The following ABCB5 variants were observed in gnomAD, a reference collection of about 807,000 sequenced individuals.
The protein encoded by ABCB5 is ATP binding cassette subfamily B member 5.
In ABCB5, 155 loss-of-function variants were observed where a neutral mutation model predicts 144.2. The ratio of observed to expected loss-of-function variants is 1.08; its 90% CI spans 0.94 to 1.23. The LOEUF is 1.23. Ranked by LOEUF, ABCB5 falls within the 50% of genes most tolerant of loss-of-function variation. The pLI is 0.00. For synonymous variants in ABCB5, 610 were observed against 528.6 expected, an observed-to-expected ratio of 1.15 and a Z score of -2.11; for missense variants, 1,830 against 1,520.8, an observed-to-expected ratio of 1.20 and a Z score of -3.38.
intron 20 of ABCB5, among the ~76,000 whole-genome samples, chr7:20,720,642 A>G (rs1313822053): frequency 6.6e-6 from 1 of 152,156 alleles, no homozygotes; most frequent in Non-Finnish European, 1.5e-5. Flanking sequence ...CAAGGTCATG[A>G]ACATCAAGTT....
intron 9 of ABCB5, among the ~76,000 whole-genome samples, chr7:20,646,797 T>C (rs1784422500): frequency 6.6e-6 from 1 of 152,222 alleles, no homozygotes; most frequent in Non-Finnish European, 1.5e-5. Context: ...TTCTTACAGA[T>C]TTCTCTTCTT....
intron 5 of ABCB5, among the ~76,000 whole-genome samples, chr7:20,640,362 T>A (rs1033281028): frequency 2.0e-5 from 3 of 152,190 alleles, no homozygotes; most frequent in Non-Finnish European, 2.9e-5. Context: ...TGCTTTTTTT[T>A]AAAGACACCT....
intron 24 of ABCB5, among the ~76,000 whole-genome samples, chr7:20,742,275 G>A (rs1782585624): frequency 6.6e-6 from 1 of 152,174 alleles, no homozygotes; most frequent in Admixed American, 6.5e-5. Flanking sequence ...TCAGGAGGCT[G>A]AGGTGGGAGG....
At chr7:20,718,613 G>C (rs547002476) in intron 20 of ABCB5, among the ~76,000 whole-genome samples, 11 of 152,272 alleles carry the variant, frequency 7.2e-5, no homozygotes, top group African/African-American at 2.4e-4. Flanking sequence ...CAGAGCCCTG[G>C]GGGGGAGGGA....
intron 9 of ABCB5, among the ~76,000 whole-genome samples, chr7:20,646,687 T>G (rs1170786132): frequency 2.0e-5 from 3 of 152,238 alleles, no homozygotes; most frequent in African/African-American, 7.2e-5. Context: ...GTTATCCTCT[T>G]AAGTTACAAT....
At chr7:20,740,205 A>T (rs1782519639) in intron 24 of ABCB5, among the ~76,000 whole-genome samples, 1 of 152,230 alleles carries the variant, frequency 6.6e-6, no homozygotes, top group African/African-American at 2.4e-5. Flanking sequence ...ACGCCACTGC[A>T]CCCCAGCTTG....
intron 23 of ABCB5, among the ~76,000 whole-genome samples, chr7:20,729,886 G>A (rs907787126): frequency 2.6e-5 from 4 of 152,134 alleles, no homozygotes; most frequent in Non-Finnish European, 4.4e-5. Context: ...CAAGTCTCAG[G>A]ACATTACTTT....
intron 24 of ABCB5, among the ~76,000 whole-genome samples, chr7:20,741,301 C>T (rs1782553936): frequency 1.3e-5 from 2 of 151,442 alleles, no homozygotes; most frequent in South Asian, 4.2e-4. Flanking sequence ...TCTAGAATAC[C>T]TCTGTGAGCT....
intron 14 of ABCB5, chr7:20,659,430 T>C (rs73684671): frequency 0.081 from 92,022 of 1,136,932 alleles, 4,505 homozygotes; most frequent in South Asian, 0.19. Flanking sequence ...GGCTTCTTTT[T>C]TTAAAATGCT....
intron 14 of ABCB5, among the ~76,000 whole-genome samples, chr7:20,677,895 T>C (rs1785667369): frequency 6.6e-6 from 1 of 152,172 alleles, no homozygotes; most frequent in African/African-American, 2.4e-5. Flanking sequence ...ACCAGCTACA[T>C]AGTTTGTGGG....
intron 16 of ABCB5, 83 bp from the exon 17 acceptor site, chr7:20,698,324 A>C (rs1012727518): frequency 8.0e-7 from 1 of 1,247,382 alleles, no homozygotes; most frequent in Non-Finnish European, 1.1e-6. Context: ...TATACATTAT[A>C]ATTCTGTTTA....
intron 24 of ABCB5, among the ~76,000 whole-genome samples, chr7:20,742,109 C>T (rs868425755): frequency 1.3e-5 from 2 of 152,314 alleles, no homozygotes; most frequent in African/African-American, 4.8e-5. Flanking sequence ...TGTGGTGGCT[C>T]ACGCCTGTAA....
intron 20 of ABCB5, among the ~76,000 whole-genome samples, chr7:20,717,880 A>ATT (rs1781730711): frequency 1.4e-5 from 1 of 73,522 alleles, no homozygotes; most frequent in African/African-American, 5.6e-5. Context: ...TTCTTGTAAC[A>ATT]TTCTTTTTTT....
At chr7:20,742,831 A>G in intron 24 of ABCB5, 46 bp from the exon 25 acceptor site, 1 of 1,593,086 alleles carries the variant, frequency 6.3e-7, no homozygotes, top group South Asian at 1.1e-5. Context: ...GTGTGTTACA[A>G]CCTTCCCAAG....
chr7:20,659,160 C>G, intron 14 of ABCB5: 1 of 1,613,552 alleles, frequency 6.2e-7, no homozygotes, highest in South Asian at 1.1e-5. Context: ...GCCCCTCAAA[C>G]CTCACCCTGA....
rs1210368010 is a variant in ABCB5 at position 20,745,520 on chromosome 7, G to A, written c.3429+82G>A. On this transcript the variant is annotated intron_variant, in intron 26 of 27. Transcript: ENST00000404938. ...ACTGGGCCTATGCAGTTGTTTTTAT[G>A]TATTCCTTGGATTATACAATGTATT... 6 of 1,197,760 alleles carry A rather than the reference G, an allele frequency of 5.0e-6. No individual in the cohort carries two copies. In the Admixed American group the frequency reaches 6.1e-5, roughly 12 times the overall value. 74.2% of individuals were successfully genotyped at this position (1,197,760 alleles called of 1,614,324 possible).
At position 20,755,430 on chromosome 7, in the gene ABCB5, G is replaced by C; in HGVS notation, c.3580G>C (p.Val1194Leu). The change falls in exon 28 of 28, where the codon GTT becomes CTT. Residue 1194 changes from valine (V) to leucine (L), a missense_variant. Physicochemically the swap from Val to Leu is conservative, Grantham distance 32. Transcript: ENST00000404938. ...SALDNDSEKVVQHALDKARTG... is the reference protein window; with the variant it reads ...SALDNDSEKVLQHALDKARTG... ...CACAGGTCTTTCTCTCTTCCAGGTG[G>C]TTCAGCATGCCCTTGATAAAGCCAG... 6.2e-7 allele frequency: 1 copy of C among 1,614,036 alleles called. No homozygotes were observed. Among genetic ancestry groups the C allele is most frequent in the Non-Finnish European group, 8.5e-7 (1 of 1,179,922 alleles).
At chr7:20,661,898 A>G (rs1052514455) in intron 14 of ABCB5, among the ~76,000 whole-genome samples, 8 of 152,068 alleles carry the variant, frequency 5.3e-5, no homozygotes, top group Admixed American at 5.2e-4. Flanking sequence ...TTGTTTCACT[A>G]ATGTTCAAGA....
intron 5 of ABCB5, chr7:20,641,807 A>T (rs1784302455): frequency 6.6e-6 from 1 of 152,470 alleles, no homozygotes. Context: ...GACTGAATGG[A>T]AAGTACTTTT....
Sources: allele counts gnomAD v4.1 joint callset (sites outside exome capture counted in the v4.1 genomes callset), GRCh38; gene constraint gnomAD v4.1.1; transcripts MANE v1.5; gene names NCBI Gene and HGNC (gene_info 2026-07-23, HGNC 2026-07-21).